The following GLI3 variants were observed in gnomAD, a reference collection of about 807,000 sequenced individuals.
GLI3 encodes the protein transcription activator GLI3.
A neutral mutation model predicts 100.8 loss-of-function variants in GLI3; 20 were observed. That is an observed-to-expected ratio of 0.20 (90% CI 0.14 to 0.29). GLI3 has a LOEUF of 0.29. Ranked by LOEUF, GLI3 falls within the 10% of genes least tolerant of loss-of-function variation. The pLI is 1.00. For missense variants in GLI3, 2,040 were observed against 2,128.5 expected (o/e 0.96, Z 0.82); for synonymous variants, 938 against 860.5 (o/e 1.09, Z -1.58).
chr7:42,019,236 T>A (rs1284863432), intron 10 of GLI3, among the ~76,000 whole-genome samples: 1 of 152,174 alleles, frequency 6.6e-6, no homozygotes, highest in Admixed American at 6.5e-5. Context: ...GGAAGTTCTT[T>A]ATGTTTATTC....
At chr7:41,999,009 T>C (rs1318822484) in intron 10 of GLI3, among the ~76,000 whole-genome samples, 4 of 152,182 alleles carry the variant, frequency 2.6e-5, no homozygotes, top group Non-Finnish European at 5.9e-5. Flanking sequence ...TTTTCCACAT[T>C]TGGTATCAAG....
In GLI3 at chr7:42,025,223, G is replaced by T. The variant is rs571604042; in HGVS notation, c.1356+41C>A. The stretch of plus-strand genomic sequence containing the variant: ...GAGCTGACCCAAAGACACCAGTCTT[G>T]GGAGGAGTGGGCGCTGGCCTGTGCG... On this transcript the variant is annotated intron_variant, in intron 9 of 14. Coordinates refer to ENST00000395925, the MANE Select transcript of GLI3 (RefSeq NM_000168.6). 11 of 1,326,146 alleles carry T rather than the reference G, an allele frequency of 8.3e-6. No individual in the cohort carries two copies. In the African/African-American group the frequency reaches 1.6e-4, roughly 19 times the overall value. The allele number at this position is 1,326,146 out of a possible 1,614,324, so 82.1% of individuals were successfully genotyped here.
At position 41,966,069 on chromosome 7, in the gene GLI3, C is replaced by T. The variant is rs1254178356; in HGVS notation, c.3004G>A (p.Val1002Met). 2 of 1,573,540 alleles carry T rather than the reference C, an allele frequency of 1.3e-6. No homozygotes were observed. The highest frequency in any genetic ancestry group is 2.3e-5 in the East Asian group (1 of 43,242). ...CGCACCGGGTCGCTGGCCCTCCTCA[C>T]GCCGTGGCCCGGCGCATCGTGCGGC... is the stretch of plus-strand genomic sequence containing the variant. ...LQPHDAPGHGVRRASDPVRTG... is the reference protein window; with the variant it reads ...LQPHDAPGHGMRRASDPVRTG... The change falls in exon 15 of 15, where the codon GTG (valine) becomes ATG (methionine). Residue 1002 changes from valine (V) to methionine (M), a missense_variant. Physicochemically the swap from Val to Met is conservative, Grantham distance 21. Coordinates refer to ENST00000395925, the MANE Select transcript of GLI3 (RefSeq NM_000168.6). This position sits in a 1 kb window ranked among gnomAD's most constrained non-coding sequence, Gnocchi z 5.8.
Position 42,247,745 on chromosome 7 carries a change from C to T in GLI3, c.-43+16249G>A, listed in dbSNP as rs188787013. Among the ~76,000 whole-genome samples, 478 of 152,342 alleles carry T rather than the reference C, an allele frequency of 3.1e-3. 1 individual carries two copies. Among genetic ancestry groups the T allele is most frequent in the South Asian group, 0.019 (91 of 4,826 alleles). ...TATGCTTCCACCCATTCCTGCTGCT[C>T]AGCTCTTTCTTCAGGGAAGGTAGAT... On this transcript the variant is annotated intron_variant, in intron 1 of 2. Coordinates refer to the GLI3 transcript ENST00000678978.
At position 42,232,394 on chromosome 7, in the gene GLI3, C is replaced by T. The variant is rs202247084; in HGVS notation, c.-43+4577G>A. ...AAATCAGAGCAGTAATTCTACAAGT[C>T]GACAGAGTACACTTTCAAAGCTATA... On this transcript the variant is annotated intron_variant, in intron 1 of 14. Coordinates refer to ENST00000395925, the MANE Select transcript of GLI3 (RefSeq NM_000168.6). 2.6e-4 allele frequency among the ~76,000 whole-genome samples: 39 copies of T among 152,282 alleles called. No homozygotes were observed. In the East Asian group the frequency reaches 6.7e-3, roughly 26 times the overall value.
chr7:42,010,361 G>A (rs1185414769), intron 10 of GLI3, among the ~76,000 whole-genome samples: 2 of 152,242 alleles, frequency 1.3e-5, no homozygotes, highest in East Asian at 3.8e-4. Context: ...GGAGGTTCAA[G>A]TTAAGAAGTT....
chr7:42,235,082 T>C (rs1788764288), intron 1 of GLI3, among the ~76,000 whole-genome samples: 1 of 152,206 alleles, frequency 6.6e-6, no homozygotes, highest in Admixed American at 6.5e-5. Context: ...ACTGTTCTGC[T>C]TTAGAAAAAT....
rs558252353 is a variant in GLI3 at position 42,140,593 on chromosome 7, C to G, written c.367+7633G>C. Among the ~76,000 whole-genome samples the G allele has an allele frequency of 5.9e-5, 9 of 152,256 alleles. 1 individual carries two copies. The South Asian group carries it at 1.9e-3, about 32-fold the overall frequency. On this transcript the variant is annotated intron_variant, in intron 3 of 14. Transcript: ENST00000395925. The stretch of plus-strand genomic sequence containing the variant: ...TCAAAGCGTACAACAAGAATCCAAA[C>G]TATATCAGAAGACAGGGAGAAGAGA...
Position 41,978,541 on chromosome 7 carries a change from A to G in GLI3, c.1647+58T>C. 4 of 1,550,382 alleles carry G rather than the reference A, an allele frequency of 2.6e-6. No individual in the cohort carries two copies. The South Asian group carries it at 4.5e-5, about 17-fold the overall frequency. ...CTGAGCTGGTGTCATCAGTTTGCACAGCTCTTATGAGTATGGGGAAGGACC... is the reference window on the plus strand; with the variant it reads ...CTGAGCTGGTGTCATCAGTTTGCACGGCTCTTATGAGTATGGGGAAGGACC... On this transcript the variant is annotated intron_variant, in intron 11 of 14. Transcript: ENST00000395925.
chr7:42,232,724 C>T (rs369596543), intron 1 of GLI3, among the ~76,000 whole-genome samples: 1 of 152,198 alleles, frequency 6.6e-6, no homozygotes, highest in African/African-American at 2.4e-5. Flanking sequence ...ATAGATACCA[C>T]AGATGCAGAT....
intron 1 of GLI3, among the ~76,000 whole-genome samples, chr7:42,255,501 T>C (rs1229169272): frequency 1.3e-5 from 2 of 152,182 alleles, no homozygotes; most frequent in African/African-American, 4.8e-5. Context: ...CCTTCAGTCT[T>C]AAGGATTGCT....
intron 1 of GLI3, among the ~76,000 whole-genome samples, chr7:42,259,614 A>G (rs1038167898): frequency 6.6e-6 from 1 of 152,210 alleles, no homozygotes; most frequent in Non-Finnish European, 1.5e-5. Context: ...CATTCAGTCT[A>G]CACTTGTAGG....
intron 3 of GLI3, among the ~76,000 whole-genome samples, chr7:42,131,295 T>C (rs1439590699): frequency 2.6e-5 from 4 of 152,032 alleles, no homozygotes; most frequent in East Asian, 1.9e-4. Flanking sequence ...GCAAAAGATA[T>C]GGTTGGGAGG....
intron 2 of GLI3, among the ~76,000 whole-genome samples, chr7:42,170,781 C>T (rs4368883): frequency 0.14 from 20,957 of 152,134 alleles, 1,916 homozygotes; most frequent in Non-Finnish European, 0.2. Flanking sequence ...GCACTCTCAC[C>T]ACAATTGCCA....
At chr7:42,139,312 T>C (rs190421580) in intron 3 of GLI3, among the ~76,000 whole-genome samples, 13 of 152,326 alleles carry the variant, frequency 8.5e-5, no homozygotes, top group Admixed American at 7.2e-4. Flanking sequence ...ATTGTGGTGA[T>C]TGGGGTTACC....
chr7:41,984,548 A>C (rs892293879), intron 10 of GLI3, among the ~76,000 whole-genome samples: 7 of 152,194 alleles, frequency 4.6e-5, no homozygotes, highest in Non-Finnish European at 8.8e-5. Flanking sequence ...ACCCTGCCCG[A>C]GGGAATCACT....
intron 3 of GLI3, among the ~76,000 whole-genome samples, chr7:42,086,573 G>A (rs975511577): frequency 3.3e-5 from 5 of 152,028 alleles, no homozygotes; most frequent in South Asian, 4.2e-4. Context: ...CTCCCCATCC[G>A]AGAGTCAGTG....
chr7:42,259,974 T>C (rs1336798614), intron 1 of GLI3, among the ~76,000 whole-genome samples: 1 of 152,224 alleles, frequency 6.6e-6, no homozygotes, highest in Non-Finnish European at 1.5e-5. Flanking sequence ...GTTGCAGCCT[T>C]TCAGGACTGT....
At chr7:42,069,764 C>A (rs974696830) in intron 4 of GLI3, among the ~76,000 whole-genome samples, 25 of 152,332 alleles carry the variant, frequency 1.6e-4, no homozygotes, top group African/African-American at 6.0e-4. Context: ...TTACTCAACT[C>A]TGCCCTTGTA....
Sources: allele counts gnomAD v4.1 joint callset (sites outside exome capture counted in the v4.1 genomes callset), GRCh38; gene constraint gnomAD v4.1.1; non-coding constraint Gnocchi (gnomAD v3.1); transcripts MANE v1.5; gene names NCBI Gene and HGNC (gene_info 2026-07-23, HGNC 2026-07-21).